Variants in GLIS3 observed in about 807,000 individuals in gnomAD.
The protein encoded by GLIS3 is GLIS family zinc finger 3.
Under a neutral mutation model 78.6 loss-of-function variants are expected in GLIS3, and 53 were observed. That is an observed-to-expected ratio of 0.67 (90% CI 0.54 to 0.85). GLIS3 has a LOEUF of 0.85. Ranked by LOEUF, GLIS3 falls within the 40% of genes least tolerant of loss-of-function variation. GLIS3 has a pLI of 0.00. For missense variants in GLIS3, 1,703 were observed against 1,231.1 expected, an observed-to-expected ratio of 1.38 and a Z score of -5.74; for synonymous variants, 684 against 509.9, an observed-to-expected ratio of 1.34 and a Z score of -4.60.
intron 2 of GLIS3, among the ~76,000 whole-genome samples, chr9:4,267,082 G>T (rs1453834406): frequency 6.6e-6 from 1 of 152,090 alleles, no homozygotes; most frequent in Non-Finnish European, 1.5e-5. Context: ...TGAGCGTAAA[G>T]GTGAGTGTCA....
At chr9:4,032,238 A>T (rs1322697180) in intron 4 of GLIS3, among the ~76,000 whole-genome samples, 1 of 152,204 alleles carries the variant, frequency 6.6e-6, no homozygotes. Context: ...GTGAACATTT[A>T]AGGCAGAGCA....
chr9:4,486,273 A>G, the GLIS3 span, among the ~76,000 whole-genome samples: 3 of 152,300 alleles, frequency 2.0e-5, no homozygotes, highest in South Asian at 6.2e-4. Context: ...CCCACAAAGA[A>G]GTGGAAGTTC....
At chr9:4,078,028 T>C (rs993162403) in intron 4 of GLIS3, among the ~76,000 whole-genome samples, 2 of 152,338 alleles carry the variant, frequency 1.3e-5, no homozygotes, top group South Asian at 2.1e-4. Context: ...GTGAGCTCTC[T>C]GTTAAAATGA....
chr9:3,903,890 G>A (rs531169387), intron 6 of GLIS3, among the ~76,000 whole-genome samples: 1 of 152,336 alleles, frequency 6.6e-6, no homozygotes, highest in Middle Eastern at 3.4e-3. Context: ...GAGCAAGAGA[G>A]TTCCAGAAGG....
At chr9:3,990,041 G>A (rs1031962734) in intron 4 of GLIS3, among the ~76,000 whole-genome samples, 1 of 152,184 alleles carries the variant, frequency 6.6e-6, no homozygotes, top group African/African-American at 2.4e-5. Flanking sequence ...AAGTGCATGT[G>A]AATTTACAAT....
chr9:4,236,184 CAA>C (rs59839951), intron 2 of GLIS3, among the ~76,000 whole-genome samples: 11 of 84,308 alleles, frequency 1.3e-4, no homozygotes, highest in African/African-American at 4.4e-4. Context: ...GTGGTTGTCA[CAA>C]AAAAAAAAAA....
At chr9:3,897,963 T>C (rs567071296) in intron 7 of GLIS3, among the ~76,000 whole-genome samples, 11 of 152,318 alleles carry the variant, frequency 7.2e-5, no homozygotes, top group Non-Finnish European at 1.6e-4. Flanking sequence ...CTCATCTTCA[T>C]AGCATGACTG....
At chr9:4,426,863 AGCACAG>A in the GLIS3 span, among the ~76,000 whole-genome samples, 1 of 152,238 alleles carries the variant, frequency 6.6e-6, no homozygotes, top group South Asian at 2.1e-4. Context: ...TAAAAGTCTT[AGCACAG>A]TCCCTGGCAC....
chr9:4,039,458 T>C (rs555229343), intron 4 of GLIS3, among the ~76,000 whole-genome samples: 1 of 152,260 alleles, frequency 6.6e-6, no homozygotes, highest in East Asian at 1.9e-4. Context: ...CTGTGCTTCT[T>C]GGAAACAAGC....
At chr9:4,443,058 G>C in the GLIS3 span, among the ~76,000 whole-genome samples, 1 of 152,178 alleles carries the variant, frequency 6.6e-6, no homozygotes, top group Admixed American at 6.5e-5. Context: ...GAGGCTCCAA[G>C]CATTGATTGG....
intron 4 of GLIS3, among the ~76,000 whole-genome samples, chr9:3,954,990 A>G (rs919809397): frequency 2.6e-5 from 4 of 152,246 alleles, no homozygotes; most frequent in African/African-American, 7.2e-5. Flanking sequence ...GAGAGATGCG[A>G]AAGCTCAAAA....
At chr9:4,058,985 A>G (rs770169857) in intron 4 of GLIS3, among the ~76,000 whole-genome samples, 6 of 151,384 alleles carry the variant, frequency 4.0e-5, no homozygotes, top group Non-Finnish European at 8.8e-5. Flanking sequence ...CCATCTCAAA[A>G]ACAAAAAAAA....
rs996349358 is a variant in GLIS3, at chr9:3,825,687, A to C, written c.*2585T>G. ...GCAGTGTGAAAGTAAGCAAGGGACA[A>C]ATTTTAAGGTCAGGAAAGACTCTCG... is the stretch of plus-strand genomic sequence containing the variant. On this transcript the variant is annotated 3_prime_UTR_variant, in exon 11 of 11. Coordinates refer to ENST00000381971, the MANE Select transcript of GLIS3 (RefSeq NM_001042413.2). The C allele has an allele frequency of 2.0e-5, 3 of 152,192 alleles. No individual in the cohort carries two copies. Among genetic ancestry groups the C allele is most frequent in the Non-Finnish European group, 4.4e-5 (3 of 68,044 alleles). The allele number at this position is 152,192 out of a possible 1,614,324, so 9.4% of individuals were successfully genotyped here.
chr9:4,480,862 GT>G, the GLIS3 span, among the ~76,000 whole-genome samples: 1 of 149,792 alleles, frequency 6.7e-6, no homozygotes, highest in Non-Finnish European at 1.5e-5. Context: ...CCACCTACTG[GT>G]TTTTTTTCTG....
At chr9:4,251,990 G>C (rs1212596001) in intron 2 of GLIS3, among the ~76,000 whole-genome samples, 2 of 152,166 alleles carry the variant, frequency 1.3e-5, no homozygotes, top group African/African-American at 4.8e-5. Context: ...AGTCTGATGG[G>C]CTTCCCTTTG....
chr9:4,099,274 AG>A (rs1219269735), intron 4 of GLIS3, among the ~76,000 whole-genome samples: 1 of 152,198 alleles, frequency 6.6e-6, no homozygotes, highest in Admixed American at 6.5e-5. Context: ...GGAGGCTCAA[AG>A]TCTGAAATCA....
chr9:4,331,287 CGT>C (rs1817681171), intron 2 of GLIS3, among the ~76,000 whole-genome samples: 2 of 152,204 alleles, frequency 1.3e-5, no homozygotes, highest in South Asian at 4.2e-4. Context: ...TTCTTTTGTG[CGT>C]GTGTGTCTCT....
intron 2 of GLIS3, among the ~76,000 whole-genome samples, chr9:4,330,366 G>C (rs1321021337): frequency 6.6e-6 from 1 of 152,244 alleles, no homozygotes; most frequent in African/African-American, 2.4e-5. Flanking sequence ...CCTGCGAGTT[G>C]GCACTGCTAA....
At chr9:3,924,679 G>C (rs189760906) in intron 6 of GLIS3, among the ~76,000 whole-genome samples, 49 of 152,326 alleles carry the variant, frequency 3.2e-4, no homozygotes, top group Admixed American at 3.2e-3. Flanking sequence ...AAAGACAAGA[G>C]AGAACTACCA....
Sources: allele counts gnomAD v4.1 joint callset (sites outside exome capture counted in the v4.1 genomes callset), GRCh38; gene constraint gnomAD v4.1.1; transcripts MANE v1.5; gene names NCBI Gene and HGNC (gene_info 2026-07-23, HGNC 2026-07-21).